Variants in PDCD7 observed in about 807,000 individuals in gnomAD.
PDCD7 encodes programmed cell death 7, also known as programmed cell death protein 7.
PDCD7 carries 40 observed loss-of-function variants against 42.1 expected under a neutral mutation model. The ratio of observed to expected loss-of-function variants is 0.95; its 90% CI spans 0.74 to 1.24. The LOEUF is 1.24. PDCD7 is among the 50% of genes most tolerant of loss of function. The pLI is 0.00. For missense variants in PDCD7, 644 were observed against 662.8 expected (o/e 0.97, Z 0.31); for synonymous variants, 299 against 303.3 (o/e 0.99, Z 0.15).
chr15:65,124,011 A>C (rs542070382), intron 2 of PDCD7, among the ~76,000 whole-genome samples: 32 of 152,240 alleles, frequency 2.1e-4, no homozygotes, highest in African/African-American at 7.5e-4. Flanking sequence ...CCATCATCCT[A>C]TGTTAGCCTA....
chr15:65,132,890 C>A (rs2087552808), intron 1 of PDCD7, 22 bp downstream of exon 1: 2 of 1,600,770 alleles, frequency 1.2e-6, no homozygotes, highest in African/African-American at 2.7e-5. Flanking sequence ...CTCCTACCCC[C>A]ATGAGCGGCC....
At chr15:65,123,851 T>C (rs2087475462) in intron 2 of PDCD7, among the ~76,000 whole-genome samples, 1 of 152,250 alleles carries the variant, frequency 6.6e-6, no homozygotes, top group African/African-American at 2.4e-5. Flanking sequence ...TCTTATACAC[T>C]GACAAATTTA....
At chr15:65,129,915 ATTTTTT>A (rs746709395) in intron 1 of PDCD7, among the ~76,000 whole-genome samples, 7 of 84,956 alleles carry the variant, frequency 8.2e-5, no homozygotes, top group Admixed American at 4.8e-4. Flanking sequence ...GAAACTTTGT[ATTTTTT>A]TTTTTTTTTT....
At chr15:65,129,640 T>C (rs1307402121) in intron 1 of PDCD7, among the ~76,000 whole-genome samples, 1 of 152,202 alleles carries the variant, frequency 6.6e-6, no homozygotes, top group Non-Finnish European at 1.5e-5. Flanking sequence ...CCCAAGGATC[T>C]CTTCCACATG....
At chr15:65,125,785 T>C (rs987187005) in intron 2 of PDCD7, among the ~76,000 whole-genome samples, 4 of 152,202 alleles carry the variant, frequency 2.6e-5, no homozygotes, top group African/African-American at 9.7e-5. Flanking sequence ...TCCAAGTGTA[T>C]TAATCTATTC....
rs767947937 is a variant in PDCD7 at position 65,133,054 on chromosome 15, C to T, written c.728G>A (p.Arg243Gln). The change falls in exon 1 of 5, where the codon CGG becomes CAG. Residue 243 changes from arginine to glutamine, a missense_variant. Arg to Gln is a conservative substitution (Grantham distance 43). Coordinates refer to ENST00000204549, the MANE Select transcript of PDCD7 (RefSeq NM_005707.2). ...CTCGCGAAGCCGCAGCCGGCGGCGC[C>T]GGACCCTCTCCAGCCTCCTCCGCGC... is the stretch of plus-strand genomic sequence containing the variant. ...GEARRRLERV[R>Q]RRRLRLRERA... 6.3e-7 allele frequency: 1 copy of T among 1,588,302 alleles called. No homozygotes were observed. Among genetic ancestry groups the T allele is most frequent in the Non-Finnish European group, 8.5e-7 (1 of 1,173,548 alleles).
At position 65,118,629 on chromosome 15, in the gene PDCD7, A is replaced by C. The variant is rs1595925854; in HGVS notation, c.*88T>G. 2 of 1,327,984 alleles carry C rather than the reference A, an allele frequency of 1.5e-6. No individual in the cohort carries two copies. The highest frequency in any genetic ancestry group is 3.4e-5 in the South Asian group (2 of 59,600). The allele number at this position is 1,327,984 out of a possible 1,614,324, so 82.3% of individuals were successfully genotyped here. A position where few individuals can be genotyped will look rare whatever the true frequency, so the allele number is the denominator to read the frequency against. On this transcript the variant is annotated 3_prime_UTR_variant, in exon 5 of 5. Coordinates refer to ENST00000204549, the MANE Select transcript of PDCD7 (RefSeq NM_005707.2). ...ATGCCACATGGAATTTAGAAGTTGC[A>C]GTTTAGTCTACAGCAAAAGATGGCA... is the stretch of plus-strand genomic sequence containing the variant.
chr15:65,133,174 G>A lies in PDCD7; in HGVS notation c.608C>T (p.Ala203Val). The A allele has an allele frequency of 6.9e-7, 1 of 1,457,032 alleles. No homozygotes were observed. Among genetic ancestry groups the A allele is most frequent in the Non-Finnish European group, 9.0e-7 (1 of 1,115,462 alleles). The allele number at this position is 1,457,032 out of a possible 1,614,324, so 90.3% of individuals were successfully genotyped here. ...QALREAEADG[A>V]AWVLLYSQTA... ...CTGGGAGTACAGCAGGACCCAGGCC[G>A]CGCCGTCGGCTTCGGCCTCGCGCAG... The change falls in exon 1 of 5, where the codon GCG becomes GTG. Residue 203 changes from alanine (A) to valine (V), a missense_variant. Transcript: ENST00000204549.
chr15:65,123,226 T>G (rs921258489), intron 2 of PDCD7, among the ~76,000 whole-genome samples: 1 of 152,232 alleles, frequency 6.6e-6, no homozygotes, highest in African/African-American at 2.4e-5. Context: ...TCTCGCTCTG[T>G]CACCAGGCTG....
intron 2 of PDCD7, among the ~76,000 whole-genome samples, chr15:65,120,397 C>T (rs2087443969): frequency 6.6e-6 from 1 of 152,124 alleles, no homozygotes; most frequent in African/African-American, 2.4e-5. Flanking sequence ...AGCAATCCCC[C>T]TGCCTTGGCC....
chr15:65,133,654 T>TG lies in PDCD7; in HGVS notation c.127dup (p.Gln43ProfsTer82). 1 of 1,258,314 alleles carries TG rather than the reference T, an allele frequency of 7.9e-7. No individual in the cohort carries two copies. The highest frequency in any genetic ancestry group is 1.0e-6 in the Non-Finnish European group (1 of 997,494). 77.9% of individuals were successfully genotyped at this position (1,258,314 alleles called of 1,614,324 possible). On this transcript the variant is annotated frameshift_variant, in exon 1 of 5. Coordinates refer to ENST00000204549, the MANE Select transcript of PDCD7 (RefSeq NM_005707.2). LOFTEE classifies it high-confidence loss of function. The stretch of plus-strand genomic sequence containing the variant: ...GGCCCCCGGAAAAGGGCCGGGCCGC[T>TG]GGGGGAGAGGCGGCGGGAAAGCCGG...
rs1335740657 is a variant in PDCD7, at chr15:65,133,796, T to G, written c.-15A>C. The G allele has an allele frequency of 2.2e-6, 3 of 1,360,992 alleles. No homozygotes were observed. The highest frequency in any genetic ancestry group is 2.8e-6 in the Non-Finnish European group (3 of 1,055,750). The allele number at this position is 1,360,992 out of a possible 1,614,324, so 84.3% of individuals were successfully genotyped here. A position where few individuals can be genotyped will look rare whatever the true frequency, so the allele number is the denominator to read the frequency against. ...GGCAGGGCCATGTTCACGACGGAGA[T>G]GCTTTGAGAAGTGACAGGAATCTGA... On this transcript the variant is annotated 5_prime_UTR_variant, in exon 1 of 5. Transcript: ENST00000204549.
chr15:65,120,127 T>C (rs561586014), intron 2 of PDCD7, among the ~76,000 whole-genome samples, 173 bp from the exon 3 acceptor site: 3 of 152,122 alleles, frequency 2.0e-5, no homozygotes, highest in Admixed American at 2.0e-4. Flanking sequence ...AGTACAAGTG[T>C]GCACCACCAT....
chr15:65,119,431 A>C lies in PDCD7; in HGVS notation c.1279T>G (p.Phe427Val), dbSNP rs774989642. 2.4e-5 allele frequency: 39 copies of C among 1,614,026 alleles called. 1 individual carries two copies. In the South Asian group the frequency reaches 4.0e-4, roughly 16 times the overall value. ...EFPLAHLLEP[F>V]RQYYLQAEHS... ...TCGGCTTGGAGATAATACTGTCGGA[A>C]AGGCTCCAAGAGGTGAGCAAGTGGG... Residue 427 changes from phenylalanine (F) to valine (V), a missense_variant, in exon 4 of 5, where the codon TTC becomes GTC. Transcript: ENST00000204549.
chr15:65,133,786 A>C lies in PDCD7; in HGVS notation c.-5T>G, dbSNP rs1225941150. 4 of 1,360,374 alleles carry C rather than the reference A, an allele frequency of 2.9e-6. No homozygotes were observed. The highest frequency in any genetic ancestry group is 1.5e-5 in the African/African-American group (1 of 65,856). 84.3% of individuals were successfully genotyped at this position (1,360,374 alleles called of 1,614,324 possible). On this transcript the variant is annotated 5_prime_UTR_variant, in exon 1 of 5. Coordinates refer to ENST00000204549, the MANE Select transcript of PDCD7 (RefSeq NM_005707.2). ...GAAGAATGGTGGCAGGGCCATGTTC[A>C]CGACGGAGATGCTTTGAGAAGTGAC...
At chr15:65,122,051 A>C (rs1170648136) in intron 2 of PDCD7, among the ~76,000 whole-genome samples, 1 of 152,128 alleles carries the variant, frequency 6.6e-6, no homozygotes. Flanking sequence ...TACCAGATAC[A>C]GGGCCAAGCG....
chr15:65,120,708 CAA>C (rs935898421), intron 2 of PDCD7, among the ~76,000 whole-genome samples: 2 of 149,474 alleles, frequency 1.3e-5, no homozygotes, highest in Non-Finnish European at 3.0e-5. Flanking sequence ...ACTCCGTCTC[CAA>C]AAAAAAAGAC....
At chr15:65,124,595 C>T (rs1458806324) in intron 2 of PDCD7, among the ~76,000 whole-genome samples, 2 of 152,192 alleles carry the variant, frequency 1.3e-5, no homozygotes, top group Non-Finnish European at 2.9e-5. Context: ...AGCCACATGC[C>T]TGCAGTCCTG....
At chr15:65,123,831 T>C (rs1165206708) in intron 2 of PDCD7, among the ~76,000 whole-genome samples, 4 of 152,224 alleles carry the variant, frequency 2.6e-5, no homozygotes, top group Admixed American at 2.0e-4. Flanking sequence ...TTTTCAAGTA[T>C]ACACAAAATT....
Sources: allele counts gnomAD v4.1 joint callset (sites outside exome capture counted in the v4.1 genomes callset), GRCh38; gene constraint gnomAD v4.1.1; transcripts MANE v1.5; gene names NCBI Gene and HGNC (gene_info 2026-07-23, HGNC 2026-07-21).